Variants in TM2D1 observed in about 807,000 individuals in gnomAD.
TM2D1 encodes the protein TM2 domain containing 1, also known as TM2 domain-containing protein 1.
In TM2D1, 15 loss-of-function variants were observed where a neutral mutation model predicts 28.4. That is an observed-to-expected ratio of 0.53 (90% confidence interval 0.35 to 0.81). The LOEUF (loss-of-function observed/expected upper bound fraction) is 0.81. TM2D1 is among the 40% of genes least tolerant of loss of function. The pLI, the probability that TM2D1 is intolerant of heterozygous loss-of-function variation, is 0.01. For missense variants in TM2D1, 236 were observed against 254.9 expected, an observed-to-expected ratio of 0.93 and a Z score of 0.50; for synonymous variants, 93 against 96.2, an observed-to-expected ratio of 0.97 and a Z score of 0.20.
intron 3 of TM2D1, among the ~76,000 whole-genome samples, chr1:61,701,304 T>C (rs1644398719): frequency 3.5e-5 from 2 of 57,548 alleles, no homozygotes; most frequent in South Asian, 9.9e-4. Context: ...AAGTCATAAA[T>C]GTTAACAAAA....
chr1:61,716,976 C>G (rs1379188681), intron 2 of TM2D1, among the ~76,000 whole-genome samples: 1 of 152,062 alleles, frequency 6.6e-6, no homozygotes, highest in Non-Finnish European at 1.5e-5. Flanking sequence ...ATACTCTTTC[C>G]ATTATATCAT....
chr1:61,718,084 G>C (rs778088326), intron 2 of TM2D1, among the ~76,000 whole-genome samples: 1 of 152,116 alleles, frequency 6.6e-6, no homozygotes, highest in African/African-American at 2.4e-5. Context: ...TTCGGAGGCC[G>C]AGGCAAGTGG....
In TM2D1 at chr1:61,700,934, C is replaced by A; in HGVS notation, c.439G>T (p.Gly147Cys). 2 of 1,603,090 alleles carry A rather than the reference C, an allele frequency of 1.2e-6. No homozygotes were observed. Among genetic ancestry groups the A allele is most frequent in the East Asian group, 2.2e-5 (1 of 44,560 alleles). ...TTTTTTTTTAATGAAACATACGCAC[C>A]CAAAGCAGGGTATCCAAGGTAAAAT... Reference protein sequence around the residue: ...DRFYLGYPALGLLKFCTVGFC... With the variant: ...DRFYLGYPALCLLKFCTVGFC... Residue 147 changes from glycine to cysteine, a missense_variant and splice_region_variant, in exon 4 of 7, where the codon GGT becomes TGT. By Grantham distance (159) the Gly-to-Cys change is radical. Coordinates refer to ENST00000606498, the MANE Select transcript of TM2D1 (RefSeq NM_032027.3).
intron 2 of TM2D1, among the ~76,000 whole-genome samples, chr1:61,710,726 AT>A (rs1483955160): frequency 2.0e-5 from 3 of 152,062 alleles, no homozygotes; most frequent in African/African-American, 7.2e-5. Flanking sequence ...AAAACTGTGT[AT>A]AATAAAGTAA....
chr1:61,685,616 T>C (rs1644279512), intron 5 of TM2D1, among the ~76,000 whole-genome samples: 1 of 152,250 alleles, frequency 6.6e-6, no homozygotes, highest in Non-Finnish European at 1.5e-5. Context: ...CATGTTAATA[T>C]TCAAGTAGTA....
At chr1:61,685,084 C>T (rs573629515) in intron 5 of TM2D1, among the ~76,000 whole-genome samples, 3 of 152,228 alleles carry the variant, frequency 2.0e-5, no homozygotes, top group African/African-American at 7.2e-5. Context: ...GAATTACAGG[C>T]GTGAGCCAAT....
In TM2D1 at chr1:61,725,113, G is replaced by A. The variant is rs780528587; in HGVS notation, c.8C>T (p.Ala3Val). 4 of 1,613,590 alleles carry A rather than the reference G, an allele frequency of 2.5e-6. No individual in the cohort carries two copies. The highest frequency in any genetic ancestry group is 2.2e-5 in the East Asian group (1 of 44,884). The part of the protein sequence containing the change: MA[A>V]AWPSGPSAPE... ...AGCAGACGGACCAGACGGCCAGGCG[G>A]CCGCCATCTTGGAGACCGACACTTT... The change falls in exon 1 of 7, where the codon GCC becomes GTC. Residue 3 changes from alanine to valine, a missense_variant. Physicochemically the swap from Ala to Val is moderately conservative, Grantham distance 64. Coordinates refer to ENST00000606498, the MANE Select transcript of TM2D1 (RefSeq NM_032027.3).
At chr1:61,690,382 G>A (rs1391000388) in intron 5 of TM2D1, among the ~76,000 whole-genome samples, 4 of 147,974 alleles carry the variant, frequency 2.7e-5, no homozygotes, top group South Asian at 2.1e-4. Flanking sequence ...GCTTGAAGCC[G>A]GGAGGCAGAG....
At chr1:61,720,064 C>T (rs1644551398) in intron 2 of TM2D1, among the ~76,000 whole-genome samples, 1 of 152,108 alleles carries the variant, frequency 6.6e-6, no homozygotes, top group Admixed American at 6.6e-5. Flanking sequence ...TACTTAGATG[C>T]ACTTTTCTGT....
intron 2 of TM2D1, among the ~76,000 whole-genome samples, chr1:61,710,773 A>T (rs942814371): frequency 6.6e-6 from 1 of 152,088 alleles, no homozygotes. Flanking sequence ...GGAAAGAAAG[A>T]TAGTATTTTC....
At chr1:61,716,710 G>C (rs149789077) in intron 2 of TM2D1, among the ~76,000 whole-genome samples, 2 of 151,206 alleles carry the variant, frequency 1.3e-5, no homozygotes, top group African/African-American at 4.8e-5. Context: ...TAAAAATAAC[G>C]TAAGATTTTA....
At chr1:61,718,610 A>G (rs1054703640) in intron 2 of TM2D1, among the ~76,000 whole-genome samples, 1 of 152,230 alleles carries the variant, frequency 6.6e-6, no homozygotes, top group African/African-American at 2.4e-5. Flanking sequence ...CTAACTATAC[A>G]GTAGAAAAAG....
chr1:61,687,065 T>A, intron 5 of TM2D1: 1 of 783,882 alleles, frequency 1.3e-6, no homozygotes, highest in Non-Finnish European at 1.6e-6. Flanking sequence ...TGAAGCTGGC[T>A]GGGCACAGTG....
At chr1:61,722,254 C>G (rs1644573495) in intron 2 of TM2D1, among the ~76,000 whole-genome samples, 1 of 152,000 alleles carries the variant, frequency 6.6e-6, no homozygotes, top group Non-Finnish European at 1.5e-5. Context: ...CCACTGCACT[C>G]CAGCCTGGGT....
In TM2D1 at chr1:61,709,382, T is replaced by A; in HGVS notation, c.294A>T (p.Thr98=). 1 of 1,613,094 alleles carries A rather than the reference T, an allele frequency of 6.2e-7. No individual in the cohort carries two copies. Among genetic ancestry groups the A allele is most frequent in the Non-Finnish European group, 8.5e-7 (1 of 1,179,342 alleles). The part of the protein sequence containing the change: ...ITCKDSSGNE[T]HFTGNEVGFF... The stretch of plus-strand genomic sequence containing the variant: ...AACCAACTTCGTTCCCAGTAAAATG[T>A]GTTTCATTGCCACTGGAATCCTTAC... The change falls in exon 3 of 7, where the codon ACA becomes ACT. Residue 98 remains threonine (T), a synonymous_variant. Transcript: ENST00000606498.
intron 6 of TM2D1, among the ~76,000 whole-genome samples, chr1:61,682,179 A>C (rs972676010): frequency 6.6e-6 from 1 of 152,208 alleles, no homozygotes; most frequent in African/African-American, 2.4e-5. Context: ...CAAGACAGAA[A>C]ACAAATGTCT....
chr1:61,700,995 T>A lies in TM2D1; in HGVS notation c.378A>T (p.Ala126=), dbSNP rs1433266648. The change falls in exon 4 of 7, where the codon GCA becomes GCT. Residue 126 remains alanine (A), a synonymous_variant. Transcript: ENST00000606498. ...VNGYSYKVAV[A]LSLFLGWLGA... is the part of the protein sequence containing the mutation. ...CCAACCATCCAAGAAAAAGAGACAA[T>A]GCGACTGCCACTTTGTAGGAATAGC... 16 of 1,611,550 alleles carry A rather than the reference T, an allele frequency of 9.9e-6. No individual in the cohort carries two copies. Among genetic ancestry groups the A allele is most frequent in the African/African-American group, 1.3e-5 (1 of 74,746 alleles).
chr1:61,682,892 C>CAAAAAA (rs66468339), intron 6 of TM2D1, among the ~76,000 whole-genome samples: 26 of 60,062 alleles, frequency 4.3e-4, no homozygotes, highest in East Asian at 1.5e-3. Flanking sequence ...GACTCTGTCT[C>CAAAAAA]AAAAAAAAAA....
chr1:61,711,957 C>T (rs899658669), intron 2 of TM2D1, among the ~76,000 whole-genome samples: 4 of 151,722 alleles, frequency 2.6e-5, no homozygotes, highest in Admixed American at 2.0e-4. Context: ...GGCTGGAACT[C>T]CTGGCCTCAG....
Sources: allele counts gnomAD v4.1 joint callset (sites outside exome capture counted in the v4.1 genomes callset), GRCh38; gene constraint gnomAD v4.1.1; transcripts MANE v1.5; gene names NCBI Gene and HGNC (gene_info 2026-07-23, HGNC 2026-07-21).